Variants in PBX3 observed in about 807,000 individuals in gnomAD.
PBX3 encodes the protein pre-B-cell leukemia transcription factor 3.
PBX3 carries 14 observed loss-of-function variants against 48.5 expected under a neutral mutation model. That is an observed-to-expected ratio of 0.29 (90% confidence interval 0.19 to 0.45). The LOEUF is 0.45. PBX3 is among the 20% of genes least tolerant of loss of function. The pLI is 1.00. For missense variants in PBX3, 386 were observed against 546.7 expected (o/e 0.71, Z 2.93); for synonymous variants, 210 against 200.3 (o/e 1.05, Z -0.41).
intron 5 of PBX3, among the ~76,000 whole-genome samples, chr9:125,944,383 A>G (rs889207068): frequency 6.6e-6 from 1 of 152,234 alleles, no homozygotes; most frequent in Admixed American, 6.5e-5. Context: ...TTTGCTCAAT[A>G]GGTACTTAGT....
chr9:125,793,364 A>ATATATAT (rs1263966407), intron 2 of PBX3, among the ~76,000 whole-genome samples: 325 of 59,052 alleles, frequency 5.5e-3, no homozygotes, highest in African/African-American at 0.011. Context: ...GGGGAAAAAA[A>ATATATAT]AAATATATAT....
chr9:125,924,515 G>A (rs1209912261), intron 3 of PBX3, among the ~76,000 whole-genome samples: 1 of 152,170 alleles, frequency 6.6e-6, no homozygotes, highest in East Asian at 1.9e-4. Flanking sequence ...TGAGAAGCCT[G>A]AAACCGTGTC....
intron 3 of PBX3, among the ~76,000 whole-genome samples, chr9:125,925,045 C>CT (rs1841542210): frequency 6.6e-6 from 1 of 152,126 alleles, no homozygotes; most frequent in African/African-American, 2.4e-5. Flanking sequence ...AATACAAGTG[C>CT]TTTTTTGTGT....
intron 2 of PBX3, among the ~76,000 whole-genome samples, chr9:125,755,872 G>A (rs1836504247): frequency 6.6e-6 from 1 of 151,850 alleles, no homozygotes; most frequent in Admixed American, 6.6e-5. Flanking sequence ...TTATTGTAAT[G>A]TTTCTGTATA....
intron 2 of PBX3, among the ~76,000 whole-genome samples, chr9:125,824,324 G>A (rs538707602): frequency 7.5e-4 from 114 of 152,270 alleles, no homozygotes; most frequent in African/African-American, 2.7e-3. Flanking sequence ...TCTGTCTTGG[G>A]TGTGTGCTAG....
rs1168659441 is a variant in PBX3 at position 125,759,665 on chromosome 9, C to G, written c.274+11042C>G. 2.0e-5 allele frequency among the ~76,000 whole-genome samples: 3 copies of G among 152,200 alleles called. No homozygotes were observed. Among genetic ancestry groups the G allele is most frequent in the Admixed American group, 2.0e-4 (3 of 15,274 alleles). On this transcript the variant is annotated intron_variant, in intron 2 of 8. Coordinates refer to ENST00000373489, the MANE Select transcript of PBX3 (RefSeq NM_006195.6). This position sits in a 1 kb window ranked among gnomAD's most constrained non-coding sequence, Gnocchi z 4.2. ...ATGAATTAAGTGTTTTTGTGGCCCT[C>G]TCATCCGTAGCTAGGAGCAGTTTGT...
At chr9:125,781,457 T>C (rs4517217) in intron 2 of PBX3, among the ~76,000 whole-genome samples, 105,525 of 149,542 alleles carry the variant, frequency 0.71, 37,811 homozygotes, top group African/African-American at 0.8. Flanking sequence ...TGCAGTGAGC[T>C]GAGATGGCAG....
chr9:125,903,087 T>C (rs1840988434), intron 2 of PBX3, among the ~76,000 whole-genome samples: 1 of 151,792 alleles, frequency 6.6e-6, no homozygotes, highest in African/African-American at 2.4e-5. Flanking sequence ...ATTTAGTGTA[T>C]ATTTTATATA....
intron 4 of PBX3, among the ~76,000 whole-genome samples, chr9:125,931,428 G>A (rs186588673): frequency 2.8e-4 from 43 of 152,100 alleles, no homozygotes; most frequent in East Asian, 1.5e-3. Flanking sequence ...TCTGCCTCCC[G>A]AGTAGCTGGG....
chr9:125,806,369 A>G (rs948694379), intron 2 of PBX3, among the ~76,000 whole-genome samples: 8 of 152,152 alleles, frequency 5.3e-5, no homozygotes, highest in African/African-American at 1.9e-4. Flanking sequence ...GAGACCGGGT[A>G]ATTTATAAAG....
intron 2 of PBX3, chr9:125,797,332 T>C (rs1273824295): frequency 6.6e-6 from 1 of 152,156 alleles, no homozygotes; most frequent in Non-Finnish European, 1.5e-5. Flanking sequence ...ATTAGTTACA[T>C]GCTCTAAATC....
intron 2 of PBX3, among the ~76,000 whole-genome samples, chr9:125,896,823 A>C (rs538320456): frequency 1.9e-3 from 284 of 152,118 alleles, no homozygotes; most frequent in Non-Finnish European, 3.0e-3. Flanking sequence ...TTGTGAACAA[A>C]GTCTCTGCAT....
intron 3 of PBX3, among the ~76,000 whole-genome samples, chr9:125,924,122 G>A (rs773784014): frequency 2.6e-5 from 4 of 152,096 alleles, no homozygotes; most frequent in East Asian, 1.9e-4. Flanking sequence ...CTCCCACTTC[G>A]CCCCCACAAA....
At chr9:125,765,050 T>C (rs1244057575) in intron 2 of PBX3, among the ~76,000 whole-genome samples, 1 of 152,176 alleles carries the variant, frequency 6.6e-6, no homozygotes, top group Non-Finnish European at 1.5e-5. Flanking sequence ...CCTTATTTAA[T>C]GGAGGCTCCA....
chr9:125,883,477 CCTT>C (rs1840427931), intron 2 of PBX3, among the ~76,000 whole-genome samples: 1 of 152,102 alleles, frequency 6.6e-6, no homozygotes, highest in Non-Finnish European at 1.5e-5. Flanking sequence ...AAGTTGGTAA[CCTT>C]CTTTATAAGG....
intron 2 of PBX3, among the ~76,000 whole-genome samples, chr9:125,860,567 G>A (rs1213567818): frequency 6.6e-6 from 1 of 152,130 alleles, no homozygotes; most frequent in Non-Finnish European, 1.5e-5. Context: ...AAAGATTATT[G>A]TTCACATATT....
rs577375564 is a variant in PBX3, at chr9:125,938,734, A to T, written c.843+3127A>T. Among the ~76,000 whole-genome samples, 415 of 152,332 alleles carry T rather than the reference A, an allele frequency of 2.7e-3. 2 individuals carry two copies. The highest frequency in any genetic ancestry group is 4.4e-3 in the Non-Finnish European group (299 of 68,026). On this transcript the variant is annotated intron_variant, in intron 5 of 8. Coordinates refer to ENST00000373489, the MANE Select transcript of PBX3 (RefSeq NM_006195.6). ...TTCTAGATTAAAAGAAGCTAAAGAG[A>T]TAGGACAAGTAATTGCAATACTTTA...
chr9:125,875,743 A>G (rs1840233306), intron 2 of PBX3, among the ~76,000 whole-genome samples: 1 of 152,188 alleles, frequency 6.6e-6, no homozygotes, highest in Non-Finnish European at 1.5e-5. Context: ...CCCCACCTGT[A>G]GGATGAAGTT....
rs1841800005 is a variant in PBX3, at chr9:125,934,867, C to G, written c.708-605C>G. On this transcript the variant is annotated intron_variant, in intron 4 of 8. Coordinates refer to ENST00000373489, the MANE Select transcript of PBX3 (RefSeq NM_006195.6). The stretch of plus-strand genomic sequence containing the variant: ...TCTTCATTTTGACCAGTGCAATCAT[C>G]TCCTAAAATGGGCTTTGCAGTTCCT... 2.6e-5 allele frequency among the ~76,000 whole-genome samples: 4 copies of G among 152,194 alleles called. No individual in the cohort carries two copies. The South Asian group carries it at 8.3e-4, about 31-fold the overall frequency.
Sources: allele counts gnomAD v4.1 joint callset (sites outside exome capture counted in the v4.1 genomes callset), GRCh38; gene constraint gnomAD v4.1.1; non-coding constraint Gnocchi (gnomAD v3.1); transcripts MANE v1.5; gene names NCBI Gene and HGNC (gene_info 2026-07-23, HGNC 2026-07-21).